C16orf89: variants seen among roughly 807,000 people sequenced by gnomAD.
C16orf89 encodes UPF0764 protein C16orf89.
In C16orf89, 57 loss-of-function variants were observed where a neutral mutation model predicts 41.5. The ratio of observed to expected loss-of-function variants is 1.38; its 90% CI spans 1.11 to 1.71. The LOEUF is 1.71. Among genes scored for constraint, C16orf89 ranks in the 40% most tolerant of loss-of-function variants. The pLI, the probability that C16orf89 is intolerant of heterozygous loss-of-function variation, is 0.00. For missense variants in C16orf89, 575 were observed against 445.9 expected (o/e 1.29, Z -2.61); for synonymous variants, 223 against 190.6 (o/e 1.17, Z -1.40).
In C16orf89 at chr16:5,058,593, G is replaced by A; in HGVS notation, c.527C>T (p.Pro176Leu). The part of the protein sequence containing the change: ...LLGTGTDSSE[P>L]CGLSDLCRSL... ...CCTGCAGAGGTCTGAGAGGCCGCAGGGCTCGCTGCTGTCCGTCCTGGGGGA... is the reference window on the plus strand; with the variant it reads ...CCTGCAGAGGTCTGAGAGGCCGCAGAGCTCGCTGCTGTCCGTCCTGGGGGA... Residue 176 changes from proline (P) to leucine (L), a missense_variant, in exon 4 of 8, where the codon CCC (proline) becomes CTC (leucine). By Grantham distance (98) the Pro-to-Leu change is moderately conservative. Transcript: ENST00000472572. The A allele has an allele frequency of 6.2e-7, 1 of 1,611,882 alleles. No homozygotes were observed. Among genetic ancestry groups the A allele is most frequent in the Non-Finnish European group, 8.5e-7 (1 of 1,179,564 alleles).
rs2142689452 is a variant in C16orf89 at position 5,065,916 on chromosome 16, C to T, written c.-8G>A. On this transcript the variant is annotated 5_prime_UTR_variant, in exon 1 of 8. Coordinates refer to ENST00000472572, the MANE Select transcript of C16orf89 (RefSeq NM_001098514.3). ...CAGCCCCAGGCTGGCCATGGCCGGCCTCTGCTCACTGCTGGTCACACGCTC... is the reference window on the plus strand; with the variant it reads ...CAGCCCCAGGCTGGCCATGGCCGGCTTCTGCTCACTGCTGGTCACACGCTC... The T allele has an allele frequency of 4.3e-6, 7 of 1,611,760 alleles. No homozygotes were observed. The highest frequency in any genetic ancestry group is 1.3e-5 in the African/African-American group (1 of 75,032).
intron 4 of C16orf89, among the ~76,000 whole-genome samples, chr16:5,057,816 A>C (rs1347472709): frequency 1.3e-5 from 2 of 152,022 alleles, no homozygotes; most frequent in Non-Finnish European, 2.9e-5. Flanking sequence ...GGTGTGAGCC[A>C]CCGTGCCCGG....
At position 5,044,785 on chromosome 16, in the gene C16orf89, A is replaced by G. The variant is rs777573616; in HGVS notation, c.956-307T>C. On this transcript the variant is annotated intron_variant, in intron 7 of 7. Coordinates refer to ENST00000472572, the MANE Select transcript of C16orf89 (RefSeq NM_001098514.3). The stretch of plus-strand genomic sequence containing the variant: ...CTTGAACCCAGGAGGCAAAGGTTGC[A>G]GTGAGCCGAGATTGCGCCACTGTAC... 1.0e-5 allele frequency: 12 copies of G among 1,168,358 alleles called. No homozygotes were observed. The African/African-American group carries it at 1.8e-4, about 17-fold the overall frequency. 72.4% of individuals were successfully genotyped at this position (1,168,358 alleles called of 1,614,324 possible).
intron 7 of C16orf89, among the ~76,000 whole-genome samples, chr16:5,047,142 C>A (rs1231678463): frequency 6.6e-6 from 1 of 152,172 alleles, no homozygotes; most frequent in Non-Finnish European, 1.5e-5. Flanking sequence ...TTCTCCCTTC[C>A]TCTCTCTGTC....
chr16:5,056,566 C>T (rs1046189297), intron 4 of C16orf89, among the ~76,000 whole-genome samples: 4 of 152,168 alleles, frequency 2.6e-5, no homozygotes, highest in South Asian at 2.1e-4. Flanking sequence ...GCTCTGTGAC[C>T]GATCGCGGGG....
At chr16:5,044,977 T>C in intron 7 of C16orf89, 5 of 1,148,444 alleles carry the variant, frequency 4.4e-6, no homozygotes, top group Non-Finnish European at 5.5e-6. Flanking sequence ...CTCCCTTCTC[T>C]GGGAGGTATG....
In C16orf89 at chr16:5,055,304, C is replaced by T; in HGVS notation, c.810G>A (p.Arg270=). Reference sequence around the variant, plus strand: ...GCCAGCTGAGAATGGCCTCCAGCCACCGGAGCTTGTAGAAGTCGGAGAAGC... The same window carrying T: ...GCCAGCTGAGAATGGCCTCCAGCCATCGGAGCTTGTAGAAGTCGGAGAAGC... ...MGGFSDFYKL[R]WLEAILSWQK... Residue 270 remains arginine (R), a synonymous_variant, in exon 6 of 8, where the codon CGG becomes CGA. Coordinates refer to ENST00000472572, the MANE Select transcript of C16orf89 (RefSeq NM_001098514.3). The T allele has an allele frequency of 6.2e-7, 1 of 1,613,668 alleles. No homozygotes were observed.
chr16:5,055,396 C>T (rs773468566), intron 5 of C16orf89, 46 bp from the exon 6 acceptor site: 6 of 1,466,472 alleles, frequency 4.1e-6, no homozygotes, highest in Admixed American at 1.9e-5. Flanking sequence ...CCCCCAGGCC[C>T]ACCTCCTCCC....
At chr16:5,051,179 C>G (rs142574935) in intron 6 of C16orf89, among the ~76,000 whole-genome samples, 114 of 152,208 alleles carry the variant, frequency 7.5e-4, no homozygotes, top group African/African-American at 2.7e-3. Context: ...TTTTATTTGA[C>G]ATAATACTAG....
chr16:5,052,153 C>G (rs1224065380), intron 6 of C16orf89, among the ~76,000 whole-genome samples: 1 of 148,908 alleles, frequency 6.7e-6, no homozygotes, highest in African/African-American at 2.5e-5. Flanking sequence ...GGCAAATGAG[C>G]TGCATAGACA....
chr16:5,055,799 C>G (rs1567155091), intron 5 of C16orf89: 17 of 1,450,356 alleles, frequency 1.2e-5, no homozygotes, highest in Admixed American at 2.0e-5. Flanking sequence ...TTTCGATAAA[C>G]AATGAATATA....
chr16:5,053,254 C>G (rs983668565), intron 6 of C16orf89, among the ~76,000 whole-genome samples: 1 of 152,056 alleles, frequency 6.6e-6, no homozygotes. Flanking sequence ...CCTGTAGTCC[C>G]AGCTACTCGG....
At chr16:5,057,705 T>A (rs538306977) in intron 4 of C16orf89, among the ~76,000 whole-genome samples, 153 of 151,940 alleles carry the variant, frequency 1.0e-3, no homozygotes, top group African/African-American at 3.4e-3. Flanking sequence ...ATTTTTGTAT[T>A]TTTAGTAGAG....
intron 6 of C16orf89, among the ~76,000 whole-genome samples, chr16:5,049,634 T>C (rs1956361767): frequency 6.6e-6 from 1 of 152,174 alleles, no homozygotes; most frequent in Non-Finnish European, 1.5e-5. Flanking sequence ...AAGATGAACA[T>C]TTAAAAATTT....
At chr16:5,055,609 C>A (rs570115496) in intron 5 of C16orf89, 1 of 1,407,250 alleles carries the variant, frequency 7.1e-7, no homozygotes, top group Non-Finnish European at 9.6e-7. Context: ...AGTTTGGACA[C>A]CCCAGCCAGC....
chr16:5,065,724 A>T lies in C16orf89; in HGVS notation c.185T>A (p.Met62Lys), dbSNP rs374976067. 44 of 1,613,780 alleles carry T rather than the reference A, an allele frequency of 2.7e-5. No individual in the cohort carries two copies. The highest frequency in any genetic ancestry group is 3.3e-5 in the Admixed American group (2 of 59,990). Reference protein sequence around the residue: ...QRLPEINLDGMVGVRVLEEQL... With the variant: ...QRLPEINLDGKVGVRVLEEQL... ...ACCTTCCAGCACTCGGACCCCCACC[A>T]TGCCATCCAGGTTGATTTCAGGCAG... is the stretch of plus-strand genomic sequence containing the variant. Residue 62 changes from methionine (M) to lysine (K), a missense_variant, in exon 1 of 8, where the codon ATG becomes AAG. Transcript: ENST00000472572.
chr16:5,053,181 C>T (rs1203751509), intron 6 of C16orf89, among the ~76,000 whole-genome samples: 2 of 152,010 alleles, frequency 1.3e-5, no homozygotes, highest in Admixed American at 1.3e-4. Context: ...ACCAGCATGG[C>T]CAACATGGTG....
At chr16:5,048,417 A>G (rs921861943) in intron 6 of C16orf89, among the ~76,000 whole-genome samples, 7 of 152,174 alleles carry the variant, frequency 4.6e-5, no homozygotes, top group African/African-American at 1.7e-4. Flanking sequence ...TTGAAACTTG[A>G]GGCTATTCCG....
chr16:5,048,814 A>G (rs1175237614), intron 6 of C16orf89, among the ~76,000 whole-genome samples: 1 of 152,190 alleles, frequency 6.6e-6, no homozygotes, highest in African/African-American at 2.4e-5. Context: ...CAAAGGATAT[A>G]GAAGATAACC....
Sources: gnomAD v4.1 joint callset for allele counts (sites outside exome capture counted in the v4.1 genomes callset) on GRCh38, gnomAD v4.1.1 for gene constraint, MANE v1.5 for transcripts, NCBI Gene and HGNC (gene_info 2026-07-23, HGNC 2026-07-21) for gene names.